The following MAP7 variants were observed in gnomAD, a reference collection of about 807,000 sequenced individuals.
MAP7 encodes the protein microtubule associated protein 7.
Under a neutral mutation model 94.8 loss-of-function variants are expected in MAP7, and 52 were observed. The ratio of observed to expected loss-of-function variants is 0.55; its 90% CI spans 0.44 to 0.69. The LOEUF (loss-of-function observed/expected upper bound fraction) is 0.69, where lower values mean the gene tolerates loss of function less well. Ranked by LOEUF, MAP7 falls within the 30% of genes least tolerant of loss-of-function variation. MAP7 has a pLI of 0.00. For missense variants in MAP7, 940 were observed against 964.6 expected (o/e 0.97, Z 0.34); for synonymous variants, 350 against 357.0 (o/e 0.98, Z 0.22).
intron 13 of MAP7, among the ~76,000 whole-genome samples, chr6:136,360,435 C>T (rs1029567419): frequency 5.9e-5 from 9 of 152,188 alleles, no homozygotes; most frequent in African/African-American, 2.2e-4. Flanking sequence ...ATGAGCCACC[C>T]GGCCCAGCAG....
intron 1 of MAP7, chr6:136,525,971 G>A (rs1225894687): frequency 8.1e-6 from 12 of 1,478,524 alleles, no homozygotes; most frequent in Non-Finnish European, 1.1e-5. Flanking sequence ...GCATACCGCT[G>A]CTACTTGTTT....
Position 136,365,795 on chromosome 6 carries a change from C to A in MAP7, c.1213G>T (p.Val405Leu), listed in dbSNP as rs763546692. The change falls in exon 10 of 18, where the codon GTG becomes TTG. Residue 405 changes from valine (V) to leucine (L), a missense_variant. Val to Leu is a conservative substitution (Grantham distance 32, BLOSUM62 1). Coordinates refer to ENST00000354570, the MANE Select transcript of MAP7 (RefSeq NM_003980.6). ...TCAACTGTGGCTTCTTCTACCTTCA[C>A]TAAAGGTGCTCTGCCCTTTAGTGAG... ...EPSLKGRAPL[V>L]KVEEATVEER... 7 of 1,614,182 alleles carry A rather than the reference C, an allele frequency of 4.3e-6. No homozygotes were observed. In the Admixed American group the frequency reaches 1.2e-4, roughly 27 times the overall value.
At chr6:136,505,214 GT>G (rs1214967577) in intron 1 of MAP7, among the ~76,000 whole-genome samples, 6 of 143,678 alleles carry the variant, frequency 4.2e-5, no homozygotes, top group Admixed American at 7.1e-5. Context: ...CCTGAACACT[GT>G]TTTAAGAACT....
At chr6:136,383,639 C>T (rs1267368749) in intron 6 of MAP7, 32 bp downstream of exon 6, 1 of 1,199,716 alleles carries the variant, frequency 8.3e-7, no homozygotes, top group Admixed American at 2.3e-5. Flanking sequence ...AAGTAAATAA[C>T]AGACACTTTT....
At chr6:136,488,922 T>C (rs757275844) in intron 1 of MAP7, among the ~76,000 whole-genome samples, 4 of 152,146 alleles carry the variant, frequency 2.6e-5, no homozygotes, top group Non-Finnish European at 5.9e-5. Context: ...CAATTTCTGA[T>C]GTTTATTATT....
intron 1 of MAP7, among the ~76,000 whole-genome samples, chr6:136,507,658 G>A (rs987479399): frequency 2.6e-5 from 4 of 152,108 alleles, no homozygotes; most frequent in African/African-American, 7.2e-5. Context: ...AATAACATTC[G>A]TTACCATTTA....
In MAP7 at chr6:136,377,885, A is replaced by T. The variant is rs1039783889; in HGVS notation, c.638-17T>A. 1.3e-6 allele frequency: 2 copies of T among 1,570,780 alleles called. No individual in the cohort carries two copies. Among genetic ancestry groups the T allele is most frequent in the Non-Finnish European group, 1.8e-6 (2 of 1,141,262 alleles). On this transcript the variant is annotated splice_polypyrimidine_tract_variant and intron_variant, in intron 6 of 17. Coordinates refer to ENST00000354570, the MANE Select transcript of MAP7 (RefSeq NM_003980.6). ...GGCGGCGAGCTAAACGTCACCACAT[A>T]AGCAAGATGTTAGAAGCATTCTTTT...
rs1447254426 is a variant in MAP7, at chr6:136,342,929, A to G, written c.*1299T>C. ...AAAGACCATATGCCTGGATTAAAAA[A>G]AATAGTCCAATAGATGAAGTCTCTC... On this transcript the variant is annotated 3_prime_UTR_variant, in exon 18 of 18. Coordinates refer to ENST00000354570, the MANE Select transcript of MAP7 (RefSeq NM_003980.6). The G allele has an allele frequency of 6.6e-6, 1 of 152,200 alleles. No homozygotes were observed. The highest frequency in any genetic ancestry group is 2.4e-5 in the African/African-American group (1 of 41,428). The allele number at this position is 152,200 out of a possible 1,614,324, so 9.4% of individuals were successfully genotyped here. A position where few individuals can be genotyped will look rare whatever the true frequency, so the allele number is the denominator to read the frequency against.
At chr6:136,402,595 G>A (rs182727339) in intron 3 of MAP7, among the ~76,000 whole-genome samples, 1 of 152,264 alleles carries the variant, frequency 6.6e-6, no homozygotes, top group Non-Finnish European at 1.5e-5. Flanking sequence ...TATGTAGGCT[G>A]AATGATTTTT....
chr6:136,457,266 T>C (rs759183380), intron 1 of MAP7, among the ~76,000 whole-genome samples: 1 of 148,638 alleles, frequency 6.7e-6, no homozygotes. Context: ...AAATAAAATA[T>C]CTGAACACAC....
At chr6:136,407,590 T>A (rs553029824) in intron 3 of MAP7, among the ~76,000 whole-genome samples, 1 of 152,292 alleles carries the variant, frequency 6.6e-6, no homozygotes, top group African/African-American at 2.4e-5. Context: ...GATTTCTGAC[T>A]AAATGGATTC....
chr6:136,462,553 C>T (rs1412133305), intron 1 of MAP7, among the ~76,000 whole-genome samples: 3 of 152,210 alleles, frequency 2.0e-5, no homozygotes, highest in Non-Finnish European at 4.4e-5. Context: ...TGACATGCCC[C>T]TGCCAGTGCT....
At chr6:136,347,633 T>C (rs368785332) in intron 16 of MAP7, among the ~76,000 whole-genome samples, 6 of 152,268 alleles carry the variant, frequency 3.9e-5, no homozygotes, top group Admixed American at 2.0e-4. Context: ...CTCGAACTCC[T>C]GGCCTCGAGT....
At chr6:136,477,528 A>C (rs1811313441) in intron 1 of MAP7, among the ~76,000 whole-genome samples, 1 of 152,220 alleles carries the variant, frequency 6.6e-6, no homozygotes, top group Admixed American at 6.5e-5. Flanking sequence ...ATCGGACAAA[A>C]ACAGACTTCA....
At chr6:136,350,719 T>G (rs577591903) in intron 16 of MAP7, among the ~76,000 whole-genome samples, 32 of 152,112 alleles carry the variant, frequency 2.1e-4, no homozygotes, top group Middle Eastern at 3.4e-3. Context: ...ATTAGCTGGG[T>G]GTGGTGGCTC....
chr6:136,516,391 C>T (rs1303831492), intron 1 of MAP7, among the ~76,000 whole-genome samples: 1 of 152,098 alleles, frequency 6.6e-6, no homozygotes, highest in Non-Finnish European at 1.5e-5. Context: ...CTCCTGGGCT[C>T]AAATGATCCT....
Position 136,549,816 on chromosome 6 carries a change from T to C in MAP7, c.67+526A>G, listed in dbSNP as rs1411222329. The stretch of plus-strand genomic sequence containing the variant: ...GGTCGTCGCCACTGCGGGCACCAGA[T>C]TGGGGGGCGGGCCGCTCACCCCGCG... On this transcript the variant is annotated intron_variant, in intron 1 of 17. Transcript: ENST00000354570. Among the ~76,000 whole-genome samples the C allele has an allele frequency of 5.3e-5, 8 of 152,094 alleles. No individual in the cohort carries two copies. The South Asian group carries it at 1.0e-3, about 20-fold the overall frequency.
intron 1 of MAP7, among the ~76,000 whole-genome samples, chr6:136,456,683 A>T (rs907120573): frequency 2.7e-5 from 4 of 148,378 alleles, no homozygotes; most frequent in African/African-American, 1.0e-4. Flanking sequence ...AAAAGAAGAA[A>T]GAAGAAAGAA....
At chr6:136,410,285 G>T (rs558548619) in intron 3 of MAP7, among the ~76,000 whole-genome samples, 11 of 152,188 alleles carry the variant, frequency 7.2e-5, no homozygotes, top group Non-Finnish European at 1.5e-4. Flanking sequence ...AAGGACATAC[G>T]CATGGACTTG....
Sources: allele counts gnomAD v4.1 joint callset (sites outside exome capture counted in the v4.1 genomes callset), GRCh38; gene constraint gnomAD v4.1.1; transcripts MANE v1.5; gene names NCBI Gene and HGNC (gene_info 2026-07-23, HGNC 2026-07-21).